Variants in ACYP2 observed in about 807,000 individuals in gnomAD.
ACYP2 encodes the protein acylphosphatase 2, also known as acylphosphatase-2.
A neutral mutation model predicts 11.2 loss-of-function variants in ACYP2; 12 were observed. The observed-to-expected ratio is 1.08, with a 90% CI of 0.69 to 1.74. The LOEUF (loss-of-function observed/expected upper bound fraction) is 1.74, where lower values mean the gene tolerates loss of function less well. Among genes scored for constraint, ACYP2 ranks in the 40% most tolerant of loss-of-function variants. The probability of loss-of-function intolerance (pLI) is 0.00; values close to 1 mark genes in which losing one functional copy is unlikely to be tolerated. For synonymous variants in ACYP2, 43 were observed against 32.2 expected (o/e 1.33, Z -1.13); for missense variants, 134 against 101.9 (o/e 1.31, Z -1.35).
chr2:54,227,672 G>A (rs1350757716), intron 6 of ACYP2, among the ~76,000 whole-genome samples: 1 of 151,934 alleles, frequency 6.6e-6, no homozygotes, highest in Non-Finnish European at 1.5e-5. Flanking sequence ...GCTTTTGAAG[G>A]TATCACACAT....
intron 6 of ACYP2, chr2:54,255,439 A>T: frequency 6.2e-7 from 1 of 1,614,022 alleles, no homozygotes; most frequent in Non-Finnish European, 8.5e-7. Context: ...CCTCTGCTCC[A>T]GGTAGTATTC....
chr2:54,299,549 G>A (rs1029822543), intron 6 of ACYP2, among the ~76,000 whole-genome samples: 6 of 149,138 alleles, frequency 4.0e-5, no homozygotes, highest in Admixed American at 6.7e-5. Flanking sequence ...CCCAGATTGC[G>A]CCGTGGTACT....
intron 6 of ACYP2, among the ~76,000 whole-genome samples, chr2:54,292,469 T>C (rs1245293948): frequency 5.3e-5 from 8 of 152,208 alleles, no homozygotes; most frequent in Non-Finnish European, 1.2e-4. Context: ...ATATCTTGGA[T>C]AGAGTGGGTT....
intron 6 of ACYP2, among the ~76,000 whole-genome samples, chr2:54,200,762 G>T (rs1201636126): frequency 6.6e-6 from 1 of 152,068 alleles, no homozygotes; most frequent in African/African-American, 2.4e-5. Flanking sequence ...GTTCTCTTGA[G>T]TGTATTCCTA....
intron 2 of ACYP2, among the ~76,000 whole-genome samples, chr2:53,981,936 T>C (rs953525445): frequency 1.3e-5 from 2 of 152,246 alleles, no homozygotes; most frequent in African/African-American, 4.8e-5. Flanking sequence ...TTATTTGATA[T>C]TTAAATACTA....
intron 6 of ACYP2, chr2:54,254,897 G>A: frequency 1.9e-6 from 3 of 1,597,006 alleles, no homozygotes; most frequent in African/African-American, 1.3e-5. Flanking sequence ...ACCTTCTGCA[G>A]GAGTAATTCC....
rs574619759 is a variant in ACYP2, at chr2:54,011,341, T to A, written c.62+37531T>A. 3.9e-5 allele frequency among the ~76,000 whole-genome samples: 6 copies of A among 152,332 alleles called. No individual in the cohort carries two copies. In the East Asian group the frequency reaches 1.2e-3, roughly 29 times the overall value. ...TTTTATTTCCTTAGATATTTTTGAA[T>A]AAAACGTTCTCTCTCCTGCTGTTCT... On this transcript the variant is annotated intron_variant, in intron 2 of 6. Transcript: ENST00000607452.
At chr2:53,991,339 G>C (rs1672282792) in intron 2 of ACYP2, among the ~76,000 whole-genome samples, 1 of 151,930 alleles carries the variant, frequency 6.6e-6, no homozygotes, top group Admixed American at 6.6e-5. Context: ...TCATTGTATG[G>C]ACATATAACT....
intron 2 of ACYP2, among the ~76,000 whole-genome samples, chr2:54,007,901 A>G (rs1444465472): frequency 1.3e-5 from 2 of 152,172 alleles, no homozygotes; most frequent in Non-Finnish European, 2.9e-5. Flanking sequence ...TGAAAAAAAA[A>G]AGGTGGTTTA....
At chr2:54,058,609 C>A (rs980253768) in intron 4 of ACYP2, among the ~76,000 whole-genome samples, 1 of 152,006 alleles carries the variant, frequency 6.6e-6, no homozygotes, top group Admixed American at 6.6e-5. Flanking sequence ...CATTGTACCA[C>A]CTGTAAGAGT....
intron 4 of ACYP2, among the ~76,000 whole-genome samples, chr2:54,114,735 A>C (rs1369089370): frequency 6.6e-6 from 1 of 152,248 alleles, no homozygotes; most frequent in Non-Finnish European, 1.5e-5. Flanking sequence ...ACAGCAGACA[A>C]GATGACTACA....
intron 6 of ACYP2, among the ~76,000 whole-genome samples, chr2:54,291,317 T>TG (rs1455221217): frequency 6.6e-6 from 1 of 152,214 alleles, no homozygotes; most frequent in Non-Finnish European, 1.5e-5. Context: ...GTTGGGATGC[T>TG]GTTCTAGTGC....
At chr2:54,101,879 T>G (rs1281763245) in intron 4 of ACYP2, among the ~76,000 whole-genome samples, 1 of 152,184 alleles carries the variant, frequency 6.6e-6, no homozygotes. Context: ...ATTAACATTT[T>G]GGATTAGTGT....
chr2:54,085,177 C>T (rs934472747), intron 4 of ACYP2: 5 of 152,156 alleles, frequency 3.3e-5, no homozygotes, highest in Non-Finnish European at 5.9e-5. Context: ...TAGAGTTGCA[C>T]GTTCTCCTCA....
At chr2:54,083,036 T>C (rs1677749060) in intron 4 of ACYP2, among the ~76,000 whole-genome samples, 1 of 150,450 alleles carries the variant, frequency 6.6e-6, no homozygotes, top group African/African-American at 2.5e-5. Flanking sequence ...ATCATGCCAC[T>C]GCACTCCAGC....
At chr2:54,152,269 A>C (rs552728769) in intron 6 of ACYP2, among the ~76,000 whole-genome samples, 1 of 151,788 alleles carries the variant, frequency 6.6e-6, no homozygotes, top group Non-Finnish European at 1.5e-5. Context: ...AAACACGTAC[A>C]TGATGCTCAG....
intron 6 of ACYP2, among the ~76,000 whole-genome samples, chr2:54,230,289 T>A (rs1416179543): frequency 6.6e-6 from 1 of 152,184 alleles, no homozygotes; most frequent in African/African-American, 2.4e-5. Context: ...CTCTCTGAAG[T>A]CTGCTATCTG....
chr2:54,184,797 TGTTATAA>T, intron 6 of ACYP2, among the ~76,000 whole-genome samples: 1 of 152,168 alleles, frequency 6.6e-6, no homozygotes, highest in African/African-American at 2.4e-5. Context: ...AAAGACTCCA[TGTTATAA>T]CAATATCAAT....
intron 4 of ACYP2, among the ~76,000 whole-genome samples, chr2:54,067,505 T>C (rs1166361660): frequency 2.0e-5 from 3 of 152,184 alleles, no homozygotes; most frequent in African/African-American, 7.2e-5. Flanking sequence ...TAGCAGATAA[T>C]GTTGAAAGAT....
Sources: allele counts gnomAD v4.1 joint callset (sites outside exome capture counted in the v4.1 genomes callset), GRCh38; gene constraint gnomAD v4.1.1; transcripts MANE v1.5; gene names NCBI Gene and HGNC (gene_info 2026-07-23, HGNC 2026-07-21).